ADGRL3: variants seen among roughly 807,000 people sequenced by gnomAD.
The protein encoded by ADGRL3 is calcium-independent alpha-latrotoxin receptor 3.
ADGRL3 carries 62 observed loss-of-function variants against 153.5 expected under a neutral mutation model. The observed-to-expected ratio is 0.40, with a 90% CI of 0.33 to 0.50. The LOEUF (loss-of-function observed/expected upper bound fraction) is 0.50. ADGRL3 is among the 20% of genes least tolerant of loss of function. The pLI is 0.47. For synonymous variants in ADGRL3, 710 were observed against 672.5 expected (o/e 1.06, Z -0.86); for missense variants, 1,641 against 1,859.4 (o/e 0.88, Z 2.16).
chr4:61,839,645 A>G (rs1391609687), intron 9 of ADGRL3, among the ~76,000 whole-genome samples: 2 of 151,926 alleles, frequency 1.3e-5, no homozygotes, highest in East Asian at 3.9e-4. Flanking sequence ...TTTGGAGATA[A>G]GACATGTGAA....
intron 5 of ADGRL3, among the ~76,000 whole-genome samples, chr4:61,635,159 A>T (rs918449613): frequency 1.3e-5 from 2 of 152,078 alleles, no homozygotes; most frequent in Non-Finnish European, 2.9e-5. Context: ...GAAAATTGAG[A>T]TCCCCCTTCC....
chr4:61,661,103 T>G (rs552225265), intron 5 of ADGRL3, among the ~76,000 whole-genome samples: 1 of 152,168 alleles, frequency 6.6e-6, no homozygotes, highest in East Asian at 1.9e-4. Context: ...TATTAAGGCC[T>G]TGAGAGGTTA....
chr4:61,687,180 A>T (rs2095462444), intron 6 of ADGRL3, among the ~76,000 whole-genome samples: 1 of 151,980 alleles, frequency 6.6e-6, no homozygotes, highest in African/African-American at 2.4e-5. Context: ...TCAAATAAAT[A>T]CTTATTATAT....
chr4:61,380,256 T>A (rs1473572338), intron 1 of ADGRL3, among the ~76,000 whole-genome samples: 2 of 151,948 alleles, frequency 1.3e-5, no homozygotes, highest in Non-Finnish European at 2.9e-5. Context: ...CACTTACTGC[T>A]CCACAACTGG....
intron 19 of ADGRL3, among the ~76,000 whole-genome samples, chr4:61,992,330 C>A (rs1329919288): frequency 1.3e-5 from 2 of 152,158 alleles, no homozygotes; most frequent in Non-Finnish European, 2.9e-5. Context: ...ACTTATAGAA[C>A]TGTGAGGTAG....
Position 61,260,186 on chromosome 4 carries a change from G to T in ADGRL3, c.-240+58421G>T, listed in dbSNP as rs115068926. On this transcript the variant is annotated intron_variant, in intron 1 of 26. Coordinates refer to ENST00000683033, the MANE Select transcript of ADGRL3 (RefSeq NM_001387552.1). ...CTGTAAATATATGAAACATTTGAAG[G>T]GTATTTGAAACCTAACGATGGTTGT... 7.5e-3 allele frequency among the ~76,000 whole-genome samples: 1,143 copies of T among 152,236 alleles called. 10 individuals carry two copies. The highest frequency in any genetic ancestry group is 0.026 in the African/African-American group (1,074 of 41,536).
intron 6 of ADGRL3, among the ~76,000 whole-genome samples, chr4:61,714,221 G>GCACACACACACACACACACA (rs57350284): frequency 0.13 from 19,263 of 150,568 alleles, 1,507 homozygotes; most frequent in East Asian, 0.2. Context: ...TGTAAAATAC[G>GCACACACACACACACACACA]CACACACACA....
chr4:61,851,800 C>G (rs2098207165), intron 9 of ADGRL3, among the ~76,000 whole-genome samples: 1 of 152,050 alleles, frequency 6.6e-6, no homozygotes, highest in South Asian at 2.1e-4. Flanking sequence ...CCATGTGAAA[C>G]TGTTTATGTG....
intron 4 of ADGRL3, among the ~76,000 whole-genome samples, chr4:61,533,924 A>G (rs1187521735): frequency 6.6e-6 from 1 of 152,126 alleles, no homozygotes; most frequent in Non-Finnish European, 1.5e-5. Flanking sequence ...TTCAGGGGAT[A>G]CACGTGCAGG....
At chr4:61,698,601 A>AT (rs918851405) in intron 6 of ADGRL3, among the ~76,000 whole-genome samples, 32 of 152,220 alleles carry the variant, frequency 2.1e-4, no homozygotes, top group Middle Eastern at 6.8e-3. Flanking sequence ...ATTCTCAAGT[A>AT]TTTTTTTTAA....
intron 8 of ADGRL3, among the ~76,000 whole-genome samples, chr4:61,766,105 T>G (rs1319133749): frequency 1.3e-5 from 2 of 151,920 alleles, no homozygotes; most frequent in African/African-American, 4.8e-5. Context: ...GAAATGGGGT[T>G]AATGTCAGGT....
chr4:61,310,655 T>TA (rs1560458572), intron 1 of ADGRL3, among the ~76,000 whole-genome samples: 1 of 152,122 alleles, frequency 6.6e-6, no homozygotes, highest in Non-Finnish European at 1.5e-5. Context: ...GGAATAAAGA[T>TA]ACCATGTGAA....
intron 4 of ADGRL3, among the ~76,000 whole-genome samples, chr4:61,565,474 C>T (rs1444003881): frequency 6.6e-6 from 1 of 151,764 alleles, no homozygotes; most frequent in African/African-American, 2.4e-5. Context: ...AGAAGACAAA[C>T]TCAGTGGGAC....
At chr4:61,557,769 T>A (rs917874685) in intron 4 of ADGRL3, among the ~76,000 whole-genome samples, 1 of 152,052 alleles carries the variant, frequency 6.6e-6, no homozygotes, top group African/African-American at 2.4e-5. Context: ...TTGCTCTGAA[T>A]CATTGATCAG....
chr4:61,290,697 G>GGAAGGAAGGAGGGAAGGAA (rs1560432720), intron 1 of ADGRL3, among the ~76,000 whole-genome samples: 1 of 149,798 alleles, frequency 6.7e-6, no homozygotes, highest in African/African-American at 2.5e-5. Flanking sequence ...GAGGGAAGGA[G>GGAAGGAAGGAGGGAAGGAA]GGAAGGAGGG....
At chr4:61,758,207 C>T (rs1038569680) in intron 8 of ADGRL3, among the ~76,000 whole-genome samples, 1 of 152,038 alleles carries the variant, frequency 6.6e-6, no homozygotes, top group Non-Finnish European at 1.5e-5. Flanking sequence ...TGGACAATCC[C>T]TGGATATCCC....
intron 5 of ADGRL3, among the ~76,000 whole-genome samples, chr4:61,604,949 G>A (rs1373347820): frequency 2.0e-5 from 3 of 151,780 alleles, no homozygotes; most frequent in Non-Finnish European, 2.9e-5. Flanking sequence ...ACTTAGCCGG[G>A]TGTGGTGGCA....
intron 12 of ADGRL3, among the ~76,000 whole-genome samples, 156 bp from the exon 13 acceptor site, chr4:61,912,563 A>G (rs1032073777): frequency 3.3e-5 from 5 of 152,170 alleles, no homozygotes; most frequent in Admixed American, 6.6e-5. Context: ...GCTTGCTTAC[A>G]TTTTGCTGCT....
chr4:61,604,564 T>C (rs1463871640), intron 5 of ADGRL3, among the ~76,000 whole-genome samples: 1 of 152,194 alleles, frequency 6.6e-6, no homozygotes, highest in African/African-American at 2.4e-5. Flanking sequence ...TGATCCTTTC[T>C]TCCCCTTTCT....
Sources: gnomAD v4.1 joint callset for allele counts (sites outside exome capture counted in the v4.1 genomes callset) on GRCh38, gnomAD v4.1.1 for gene constraint, MANE v1.5 for transcripts, NCBI Gene and HGNC (gene_info 2026-07-23, HGNC 2026-07-21) for gene names.